The following PRKAR1A variants were observed in gnomAD, a reference collection of about 807,000 sequenced individuals.
The protein encoded by PRKAR1A is protein kinase cAMP-dependent type I regulatory subunit alpha, also known as cAMP-dependent protein kinase type I-alpha regulatory subunit.
In PRKAR1A, 3 loss-of-function variants were observed where a neutral mutation model predicts 52.0. The observed-to-expected ratio is 0.06, with a 90% CI of 0.03 to 0.15. The LOEUF (loss-of-function observed/expected upper bound fraction) is 0.15. Among genes scored for constraint, PRKAR1A ranks in the 10% least tolerant of loss-of-function variants. The pLI is 1.00. For synonymous variants in PRKAR1A, 188 were observed against 168.4 expected (o/e 1.12, Z -0.90); for missense variants, 240 against 477.4 (o/e 0.50, Z 4.63).
the PRKAR1A span, among the ~76,000 whole-genome samples, chr17:68,473,764 G>T: frequency 6.6e-6 from 1 of 152,036 alleles, no homozygotes; most frequent in African/African-American, 2.4e-5. Context: ...TTTGTGATCC[G>T]CCCACCTCGG....
chr17:68,498,787 T>C, the PRKAR1A span, among the ~76,000 whole-genome samples: 11 of 152,182 alleles, frequency 7.2e-5, 1 homozygote. Context: ...ACATCCTCAG[T>C]TTCAGTCTTG....
the PRKAR1A span, among the ~76,000 whole-genome samples, chr17:68,464,058 C>T: frequency 2.0e-5 from 3 of 152,204 alleles, no homozygotes; most frequent in South Asian, 4.1e-4. Flanking sequence ...TGGAAATCAG[C>T]TCAGATGAGC....
chr17:68,519,522 T>C (rs7217296), intron 2 of PRKAR1A, among the ~76,000 whole-genome samples: 108,798 of 152,098 alleles, frequency 0.72, 39,326 homozygotes, highest in East Asian at 0.9. Context: ...TCCCACAATA[T>C]GTGGGGATTA....
chr17:68,530,667 A>G lies in PRKAR1A; in HGVS notation c.*218A>G. 2 of 1,444,342 alleles carry G rather than the reference A, an allele frequency of 1.4e-6. No homozygotes were observed. The highest frequency in any genetic ancestry group is 1.8e-6 in the Non-Finnish European group (2 of 1,100,184). The allele number at this position is 1,444,342 out of a possible 1,614,324, so 89.5% of individuals were successfully genotyped here. On this transcript the variant is annotated 3_prime_UTR_variant, in exon 11 of 11. Coordinates refer to ENST00000589228, the MANE Select transcript of PRKAR1A (RefSeq NM_002734.5). ...AATAAATAGAAAGAGTTCTATGGAG[A>G]CTTTGCTGTTACTGCTTCTCTTTGT...
chr17:68,522,336 A>G (rs962026298), intron 2 of PRKAR1A, among the ~76,000 whole-genome samples: 6 of 152,192 alleles, frequency 3.9e-5, no homozygotes, highest in Non-Finnish European at 8.8e-5. Context: ...GTTTTTCCTG[A>G]TAACATTTCT....
At chr17:68,511,579 G>A (rs1359860963), upstream of PRKAR1A, among the ~76,000 whole-genome samples, 3 of 152,180 alleles carry the variant, frequency 2.0e-5, no homozygotes, top group Non-Finnish European at 4.4e-5. Context: ...AAGGACTCAG[G>A]CCTCCTCTTG....
chr17:68,457,603 T>TA, the PRKAR1A span: 3 of 326,542 alleles, frequency 9.2e-6, no homozygotes, highest in East Asian at 1.4e-4. Flanking sequence ...CCCCGCCGCG[T>TA]CCCCGGCTTC....
chr17:68,414,357 C>G, the PRKAR1A span, among the ~76,000 whole-genome samples: 1 of 152,106 alleles, frequency 6.6e-6, no homozygotes, highest in Non-Finnish European at 1.5e-5. Flanking sequence ...GTTAAACTAT[C>G]CTTGCATCCC....
At chr17:68,489,366 ATATATATATATGGAAAG>A in the PRKAR1A span, among the ~76,000 whole-genome samples, 2 of 107,104 alleles carry the variant, frequency 1.9e-5, no homozygotes, top group South Asian at 6.0e-4. Context: ...TATGGAAAGT[ATATATATATATGGAAAG>A]TATATATATA....
chr17:68,426,509 A>C, the PRKAR1A span, among the ~76,000 whole-genome samples: 1 of 152,094 alleles, frequency 6.6e-6, no homozygotes, highest in Non-Finnish European at 1.5e-5. Context: ...AGTGGCTAGG[A>C]CTACAGGCTC....
chr17:68,423,397 G>C, the PRKAR1A span, among the ~76,000 whole-genome samples: 791 of 152,262 alleles, frequency 5.2e-3, 7 homozygotes, highest in African/African-American at 0.018. The surrounding 1 kb of genome is among the most constrained non-coding windows in gnomAD (Gnocchi z 4.4). Flanking sequence ...GTGCCTTAGT[G>C]GGAGCACTGC....
chr17:68,492,468 G>C, the PRKAR1A span, among the ~76,000 whole-genome samples: 1 of 152,116 alleles, frequency 6.6e-6, no homozygotes. Context: ...CACTGTGACT[G>C]AGAGGAATTG....
chr17:68,441,503 A>G, the PRKAR1A span, among the ~76,000 whole-genome samples: 15 of 152,368 alleles, frequency 9.8e-5, no homozygotes, highest in East Asian at 2.5e-3. Context: ...CAGAAAATAA[A>G]CTAGAGGATG....
Position 68,531,278 on chromosome 17 carries a change from T to G in PRKAR1A, c.*829T>G, listed in dbSNP as rs1600498623. 11 of 1,066,152 alleles carry G rather than the reference T, an allele frequency of 1.0e-5. No homozygotes were observed. In the East Asian group the frequency reaches 5.5e-4, roughly 53 times the overall value. The allele number at this position is 1,066,152 out of a possible 1,614,324, so 66.0% of individuals were successfully genotyped here. Reference sequence around the variant, plus strand: ...AATTGATCAGATGCTGAATTGAGAATAAGAATTTGAGGTCTACATTCTTGG... The same window carrying G: ...AATTGATCAGATGCTGAATTGAGAAGAAGAATTTGAGGTCTACATTCTTGG... On this transcript the variant is annotated 3_prime_UTR_variant, in exon 11 of 11. Coordinates refer to ENST00000589228, the MANE Select transcript of PRKAR1A (RefSeq NM_002734.5).
the PRKAR1A span, among the ~76,000 whole-genome samples, chr17:68,475,737 G>A: frequency 2.0e-5 from 3 of 152,104 alleles, no homozygotes; most frequent in Non-Finnish European, 4.4e-5. Context: ...TGGGATTACA[G>A]TTGTGAGCCA....
chr17:68,416,913 T>C, the PRKAR1A span, among the ~76,000 whole-genome samples: 2 of 152,224 alleles, frequency 1.3e-5, no homozygotes, highest in Admixed American at 6.5e-5. Flanking sequence ...GGGCTTCACC[T>C]TTCTCTGGTG....
rs149246756 is a variant in PRKAR1A, at chr17:68,542,148, A to G, written c.974-8936A>G. ...TTGCACATGTATGGACACTTGGCGA[A>G]GAAGCACACGTTGCTCGCTGGAGGA... On this transcript the variant is annotated intron_variant, in intron 11 of 11. Coordinates refer to the PRKAR1A transcript ENST00000585981. 6 of 1,613,956 alleles carry G rather than the reference A, an allele frequency of 3.7e-6. No individual in the cohort carries two copies. In the African/African-American group the frequency reaches 6.7e-5, roughly 18 times the overall value.
At chr17:68,494,837 A>T in the PRKAR1A span, among the ~76,000 whole-genome samples, 1 of 152,168 alleles carries the variant, frequency 6.6e-6, no homozygotes, top group Non-Finnish European at 1.5e-5. Flanking sequence ...ACCACATGGA[A>T]CAGAAGAATC....
the PRKAR1A span, among the ~76,000 whole-genome samples, chr17:68,496,593 A>T: frequency 3.9e-5 from 6 of 152,134 alleles, no homozygotes; most frequent in Non-Finnish European, 8.8e-5. Context: ...TAGGACGTGG[A>T]CGTTCTTGCA....
Sources: allele counts gnomAD v4.1 joint callset (sites outside exome capture counted in the v4.1 genomes callset), GRCh38; gene constraint gnomAD v4.1.1; non-coding constraint Gnocchi (gnomAD v3.1); transcripts MANE v1.5; gene names NCBI Gene and HGNC (gene_info 2026-07-23, HGNC 2026-07-21).